Variants in CDH2 observed in about 807,000 individuals in gnomAD.
The protein encoded by CDH2 is cadherin 2, also known as cadherin-2.
CDH2 carries 17 observed loss-of-function variants against 92.0 expected under a neutral mutation model. That is an observed-to-expected ratio of 0.18 (90% confidence interval 0.13 to 0.28). The LOEUF is 0.28. Among genes scored for constraint, CDH2 ranks in the 10% least tolerant of loss-of-function variants. The probability of loss-of-function intolerance (pLI) is 1.00; values close to 1 mark genes in which losing one functional copy is unlikely to be tolerated. For missense variants in CDH2, 862 were observed against 1,133.1 expected (o/e 0.76, Z 3.44); for synonymous variants, 419 against 415.9 (o/e 1.01, Z -0.09).
Position 27,985,124 on chromosome 18 carries a change from G to A in CDH2, c.2085C>T (p.Ile695=). 1 of 1,613,660 alleles carries A rather than the reference G, an allele frequency of 6.2e-7. No individual in the cohort carries two copies. The highest frequency in any genetic ancestry group is 8.5e-7 in the Non-Finnish European group (1 of 1,179,578). Residue 695 remains isoleucine, a synonymous_variant, in exon 13 of 16, where the codon ATC becomes ATT. Coordinates refer to ENST00000269141, the MANE Select transcript of CDH2 (RefSeq NM_001792.5). ...CACACTGGCAAACCTTCACACGCAGGATGGAAATATTTGATTTGGGAGGAT... is the reference window on the plus strand; with the variant it reads ...CACACTGGCAAACCTTCACACGCAGAATGGAAATATTTGATTTGGGAGGAT... ...SGNPPKSNIS[I]LRVKVCQCDS...
intron 2 of CDH2, among the ~76,000 whole-genome samples, chr18:28,131,707 T>TGTGTGTGTGTGTGG (rs777344485): frequency 1.4e-4 from 22 of 151,922 alleles, no homozygotes; most frequent in African/African-American, 5.3e-4. Context: ...TGTGTGTGTG[T>TGTGTGTGTGTGTGG]GGCCTGAAAT....
chr18:28,018,163 CAAAAA>C (rs368206125), intron 2 of CDH2, among the ~76,000 whole-genome samples: 1 of 97,200 alleles, frequency 1.0e-5, no homozygotes. Context: ...ACAATAGCTA[CAAAAA>C]AAAAAAAAAG....
At chr18:28,004,434 T>C (rs1341325655) in intron 6 of CDH2, among the ~76,000 whole-genome samples, 5 of 152,318 alleles carry the variant, frequency 3.3e-5, no homozygotes, top group South Asian at 2.1e-4. Context: ...TTCAAACTTA[T>C]AGAAGAACCA....
chr18:27,994,371 T>C (rs1411828414), intron 7 of CDH2, among the ~76,000 whole-genome samples: 4 of 152,238 alleles, frequency 2.6e-5, no homozygotes, highest in Non-Finnish European at 5.9e-5. Context: ...TACATTTACA[T>C]GTAGATGATT....
At chr18:28,157,027 G>A (rs887914036) in intron 1 of CDH2, among the ~76,000 whole-genome samples, 2 of 152,208 alleles carry the variant, frequency 1.3e-5, no homozygotes, top group African/African-American at 4.8e-5. Context: ...CCATGAAGTG[G>A]ATGCTTAATG....
At position 27,951,860 on chromosome 18, in the gene CDH2, A is replaced by T; in HGVS notation, c.*293T>A. ...ACTTATCGTTTCAGAAATCAGTACC[A>T]TTAAAGCCTTAAACAGAAAACTAAT... is the stretch of plus-strand genomic sequence containing the variant. On this transcript the variant is annotated 3_prime_UTR_variant, in exon 16 of 16. Transcript: ENST00000269141. The T allele has an allele frequency of 2.8e-6, 1 of 358,000 alleles. No homozygotes were observed. Among genetic ancestry groups the T allele is most frequent in the Non-Finnish European group, 5.2e-6 (1 of 191,320 alleles). The allele number at this position is 358,000 out of a possible 1,614,324, so 22.2% of individuals were successfully genotyped here. A position where few individuals can be genotyped will look rare whatever the true frequency, so the allele number is the denominator to read the frequency against.
intron 2 of CDH2, among the ~76,000 whole-genome samples, chr18:28,091,483 A>G (rs1567994843): frequency 6.6e-6 from 1 of 152,202 alleles, no homozygotes; most frequent in East Asian, 1.9e-4. Flanking sequence ...GGAAAAAAAA[A>G]CCTTATTCAT....
chr18:28,088,712 A>C (rs1487217091), intron 2 of CDH2, among the ~76,000 whole-genome samples: 1 of 152,128 alleles, frequency 6.6e-6, no homozygotes, highest in Non-Finnish European at 1.5e-5. Context: ...AGGGTTCCTA[A>C]GGGGGCGGGC....
intron 2 of CDH2, among the ~76,000 whole-genome samples, chr18:28,035,031 C>T (rs952116821): frequency 2.0e-5 from 3 of 151,966 alleles, no homozygotes; most frequent in African/African-American, 7.2e-5. Flanking sequence ...GGACGCAATC[C>T]ATTATTTCTC....
chr18:28,105,034 AG>A (rs2015299561), intron 2 of CDH2, among the ~76,000 whole-genome samples: 3 of 152,070 alleles, frequency 2.0e-5, no homozygotes. Flanking sequence ...CTTGATCTAG[AG>A]CCAGATTTCT....
Position 27,941,512 on chromosome 18 carries a change from T to C in CDH2, c.1152-8388A>G, listed in dbSNP as rs571503752. Among the ~76,000 whole-genome samples the C allele has an allele frequency of 3.9e-5, 6 of 152,318 alleles. No individual in the cohort carries two copies. The East Asian group carries it at 1.2e-3, about 29-fold the overall frequency. On this transcript the variant is annotated intron_variant, in intron 6 of 6. Coordinates refer to the CDH2 transcript ENST00000675173. ...TAAACTTGATGATACTGGTATTAAG[T>C]TCTTGTAAAGAATGTGATTCTGATT...
intron 15 of CDH2, among the ~76,000 whole-genome samples, chr18:27,955,780 T>TTTTA (rs397802200): frequency 7.0e-6 from 1 of 143,204 alleles, no homozygotes; most frequent in South Asian, 2.2e-4. Flanking sequence ...TTTTTTTTTT[T>TTTTA]AAAGAGGTTA....
In CDH2 at chr18:28,043,890, A is replaced by ATTTTTTTT. The variant is rs67532914; in HGVS notation, c.173-29989_173-29982dup. ...AGTCTCATCTTTCTCAGAATCTCGGATTTTTTTTTTTTTTTTTTTTTTTTT... is the reference window on the plus strand; with the variant it reads ...AGTCTCATCTTTCTCAGAATCTCGGATTTTTTTTTTTTTTTTTTTTTTTTTTTTTTTTT... On this transcript the variant is annotated intron_variant, in intron 2 of 15. Transcript: ENST00000269141. 1.8e-3 allele frequency among the ~76,000 whole-genome samples: 164 copies of ATTTTTTTT among 91,446 alleles called. 13 individuals carry two copies. Among genetic ancestry groups the ATTTTTTTT allele is most frequent in the Non-Finnish European group, 3.0e-3 (137 of 45,984 alleles). 60.0% of individuals were successfully genotyped at this position (91,446 alleles called of 152,430 possible).
intron 2 of CDH2, among the ~76,000 whole-genome samples, chr18:28,120,201 A>G (rs2015563891): frequency 6.6e-6 from 1 of 152,110 alleles, no homozygotes. Context: ...TCATACACAC[A>G]TACACACATC....
chr18:28,148,757 C>T (rs920652870), intron 1 of CDH2, among the ~76,000 whole-genome samples: 4 of 152,186 alleles, frequency 2.6e-5, no homozygotes, highest in African/African-American at 9.6e-5. Flanking sequence ...AAGGGAAGTC[C>T]CAGAAACAGA....
At chr18:27,950,105 A>G (rs1909377681), downstream of CDH2, among the ~76,000 whole-genome samples, 3 of 152,272 alleles carry the variant, frequency 2.0e-5, no homozygotes, top group South Asian at 6.2e-4. Context: ...GGAAATTCCC[A>G]GAGGCAAGCT....
chr18:27,963,886 AG>A (rs1243878303), intron 14 of CDH2, among the ~76,000 whole-genome samples: 1 of 152,078 alleles, frequency 6.6e-6, no homozygotes, highest in East Asian at 1.9e-4. Flanking sequence ...TTTTAAAACG[AG>A]GGTGGTTATT....
At chr18:28,162,891 T>G (rs2016326912) in intron 1 of CDH2, among the ~76,000 whole-genome samples, 1 of 152,150 alleles carries the variant, frequency 6.6e-6, no homozygotes, top group Admixed American at 6.5e-5. Context: ...TATATGAAAA[T>G]GCAGGTCAAG....
At chr18:28,165,754 A>T (rs1468000846) in intron 1 of CDH2, among the ~76,000 whole-genome samples, 1 of 150,690 alleles carries the variant, frequency 6.6e-6, no homozygotes, top group African/African-American at 2.4e-5. Context: ...CCCCAATCTT[A>T]ACCACTGTGT....
Sources: gnomAD v4.1 joint callset for allele counts (sites outside exome capture counted in the v4.1 genomes callset) on GRCh38, gnomAD v4.1.1 for gene constraint, MANE v1.5 for transcripts, NCBI Gene and HGNC (gene_info 2026-07-23, HGNC 2026-07-21) for gene names.